RGS7: variants seen among roughly 807,000 people sequenced by gnomAD.
RGS7 encodes the protein regulator of G-protein signaling 7.
In RGS7, 27 loss-of-function variants were observed where a neutral mutation model predicts 81.1. The ratio of observed to expected loss-of-function variants is 0.33; its 90% CI spans 0.25 to 0.46. The LOEUF is 0.46. RGS7 is among the 20% of genes least tolerant of loss of function. The probability of loss-of-function intolerance (pLI) is 1.00; values close to 1 mark genes in which losing one functional copy is unlikely to be tolerated. For missense variants in RGS7, 396 were observed against 607.4 expected (o/e 0.65, Z 3.66); for synonymous variants, 208 against 207.7 (o/e 1.00, Z -0.01).
rs75560612 is a variant in RGS7 at position 241,066,833 on chromosome 1, G to T, written c.175+31833C>A. Among the ~76,000 whole-genome samples, 626 of 152,274 alleles carry T rather than the reference G, an allele frequency of 4.1e-3. 8 individuals carry two copies. Among genetic ancestry groups the T allele is most frequent in the Admixed American group, 0.019 (287 of 15,290 alleles). ...ACTGACCTACTAGGCCCTTTAGCTC[G>T]CTATGTGAGGAAATAAGATAGAATC... On this transcript the variant is annotated intron_variant, in intron 3 of 18. Transcript: ENST00000440928.
intron 3 of RGS7, among the ~76,000 whole-genome samples, chr1:240,986,046 G>C (rs1335003704): frequency 6.6e-6 from 1 of 151,916 alleles, no homozygotes; most frequent in Non-Finnish European, 1.5e-5. Context: ...GAAAATTGTA[G>C]CATTCTATTT....
intron 2 of RGS7, among the ~76,000 whole-genome samples, chr1:241,155,772 A>G (rs2069080908): frequency 6.6e-6 from 1 of 152,142 alleles, no homozygotes; most frequent in African/African-American, 2.4e-5. Context: ...ACTGCATTTT[A>G]CAACTGAACA....
chr1:240,931,954 G>A (rs978780489), intron 5 of RGS7, among the ~76,000 whole-genome samples: 2 of 152,176 alleles, frequency 1.3e-5, no homozygotes, highest in African/African-American at 4.8e-5. Flanking sequence ...GATGAGGCCT[G>A]CAGGACTCAC....
chr1:240,868,107 GAAAAGAAAAGGAAAGAAA>G lies in RGS7; in HGVS notation c.609+462_609+479del, dbSNP rs1663707090. 9.9e-6 allele frequency among the ~76,000 whole-genome samples: 1 copy of G among 100,856 alleles called. No individual in the cohort carries two copies. Among genetic ancestry groups the G allele is most frequent in the Non-Finnish European group, 2.1e-5 (1 of 48,274 alleles). The allele number at this position is 100,856 out of a possible 152,430, so 66.2% of individuals were successfully genotyped here. A position where few individuals can be genotyped will look rare whatever the true frequency, so the allele number is the denominator to read the frequency against. ...GAAAAAGAAAGAAAAGAAAAAGAAA[GAAAAGAAAAGGAAAGAAA>G]GAAAGAAAGAAAGAAAGAAAGAAAG... On this transcript the variant is annotated intron_variant, in intron 9 of 18. Transcript: ENST00000440928. This position sits in a 1 kb window ranked among gnomAD's most constrained non-coding sequence, Gnocchi z 5.1.
At chr1:241,178,783 T>C (rs369295730) in intron 2 of RGS7, among the ~76,000 whole-genome samples, 3 of 152,358 alleles carry the variant, frequency 2.0e-5, no homozygotes, top group South Asian at 2.1e-4. Flanking sequence ...AGTTAAAATG[T>C]AATCAGTTTA....
At chr1:240,806,726 G>A (rs1425432893) in intron 14 of RGS7, among the ~76,000 whole-genome samples, 3 of 152,022 alleles carry the variant, frequency 2.0e-5, no homozygotes, top group Non-Finnish European at 4.4e-5. Flanking sequence ...AGTTTGAAGG[G>A]AATTAAAGGT....
intron 18 of RGS7, among the ~76,000 whole-genome samples, chr1:240,779,722 C>T (rs1015137600): frequency 6.6e-5 from 10 of 152,166 alleles, no homozygotes; most frequent in Admixed American, 5.9e-4. Flanking sequence ...CCTATTTCCT[C>T]ATCTGTAAAA....
intron 4 of RGS7, among the ~76,000 whole-genome samples, chr1:240,956,925 G>A (rs1247403376): frequency 6.6e-6 from 1 of 152,028 alleles, no homozygotes; most frequent in Non-Finnish European, 1.5e-5. Flanking sequence ...TCCTCAAAAC[G>A]GTTAAGGCCG....
chr1:240,854,258 C>T (rs1660672746), intron 9 of RGS7, among the ~76,000 whole-genome samples: 1 of 152,202 alleles, frequency 6.6e-6, no homozygotes, highest in South Asian at 2.1e-4. Flanking sequence ...GCAAGCTTCA[C>T]TCTTGATAAT....
In RGS7 at chr1:241,016,214, A is replaced by G. The variant is rs2059210827; in HGVS notation, c.176-33085T>C. On this transcript the variant is annotated intron_variant, in intron 3 of 18. Coordinates refer to ENST00000440928, the MANE Select transcript of RGS7 (RefSeq NM_001364886.1). Reference sequence around the variant, plus strand: ...ACCAAACCAGGTTTAAATTCCTTAGAAAAAATTTTACATAAAAACTCATGT... The same window carrying G: ...ACCAAACCAGGTTTAAATTCCTTAGGAAAAATTTTACATAAAAACTCATGT... 2.0e-5 allele frequency among the ~76,000 whole-genome samples: 3 copies of G among 152,134 alleles called. No individual in the cohort carries two copies. The South Asian group carries it at 6.2e-4, about 32-fold the overall frequency.
chr1:241,286,809 C>T (rs1448909111), intron 2 of RGS7, among the ~76,000 whole-genome samples: 8 of 152,136 alleles, frequency 5.3e-5, no homozygotes, highest in Admixed American at 5.2e-4. Context: ...GACTTCACAG[C>T]CCCATAAACA....
chr1:241,268,378 G>A (rs543818928), intron 2 of RGS7, among the ~76,000 whole-genome samples: 3 of 152,284 alleles, frequency 2.0e-5, no homozygotes, highest in East Asian at 1.9e-4. Context: ...TCGGTGCATC[G>A]TAGGACGTTT....
At chr1:241,223,450 A>T (rs1573214935) in intron 2 of RGS7, among the ~76,000 whole-genome samples, 2 of 152,336 alleles carry the variant, frequency 1.3e-5, no homozygotes, top group East Asian at 3.9e-4. Flanking sequence ...CAATTCCCAG[A>T]GTCCCAGTTT....
intron 6 of RGS7, among the ~76,000 whole-genome samples, chr1:240,920,860 CA>C (rs1340381792): frequency 6.6e-6 from 1 of 151,806 alleles, no homozygotes; most frequent in Non-Finnish European, 1.5e-5. Flanking sequence ...AGCATTCCAA[CA>C]AAGGGTCTTA....
At chr1:241,098,347 T>A (rs1360815670) in intron 3 of RGS7, among the ~76,000 whole-genome samples, 1 of 152,234 alleles carries the variant, frequency 6.6e-6, no homozygotes, top group Non-Finnish European at 1.5e-5. Context: ...AATCACTGAT[T>A]TTTTTCACCC....
At chr1:241,210,833 C>T (rs1424312558) in intron 2 of RGS7, among the ~76,000 whole-genome samples, 2 of 152,152 alleles carry the variant, frequency 1.3e-5, no homozygotes, top group Non-Finnish European at 2.9e-5. Flanking sequence ...GGGACCTCCC[C>T]GGATCTCTAC....
At chr1:241,188,434 G>A (rs1294017635) in intron 2 of RGS7, among the ~76,000 whole-genome samples, 1 of 151,830 alleles carries the variant, frequency 6.6e-6, no homozygotes, top group Admixed American at 6.6e-5. Context: ...TCAATAAACA[G>A]GAAATATGTG....
intron 2 of RGS7, among the ~76,000 whole-genome samples, chr1:241,123,063 T>C (rs1244212420): frequency 6.6e-6 from 1 of 152,164 alleles, no homozygotes; most frequent in African/African-American, 2.4e-5. Context: ...GAATTCAACA[T>C]AGCTACTCTC....
At chr1:240,842,103 A>G (rs942253044) in intron 9 of RGS7, among the ~76,000 whole-genome samples, 51 of 151,814 alleles carry the variant, frequency 3.4e-4, no homozygotes, top group African/African-American at 1.2e-3. Flanking sequence ...TTCCCTTAGT[A>G]TTAGTATTAT....
Sources: gnomAD v4.1 joint callset for allele counts (sites outside exome capture counted in the v4.1 genomes callset) on GRCh38, gnomAD v4.1.1 for gene constraint, Gnocchi (gnomAD v3.1) non-coding constraint, MANE v1.5 for transcripts, NCBI Gene and HGNC (gene_info 2026-07-23, HGNC 2026-07-21) for gene names.